Variants in ZNF827 observed in about 807,000 individuals in gnomAD.
ZNF827 encodes zinc finger protein 827.
A neutral mutation model predicts 102.4 loss-of-function variants in ZNF827; 13 were observed. That is an observed-to-expected ratio of 0.13 (90% CI 0.08 to 0.20). ZNF827 has a LOEUF of 0.20. Among genes scored for constraint, ZNF827 ranks in the 10% least tolerant of loss-of-function variants. ZNF827 has a pLI of 1.00. For synonymous variants in ZNF827, 523 were observed against 536.2 expected (o/e 0.98, Z 0.34); for missense variants, 1,103 against 1,344.4 (o/e 0.82, Z 2.81).
At chr4:145,820,024 C>T (rs970618512) in intron 8 of ZNF827, 2 of 152,306 alleles carry the variant, frequency 1.3e-5, no homozygotes, top group African/African-American at 4.8e-5. Flanking sequence ...TCGATCTCTT[C>T]ACAGTCCACA....
intron 8 of ZNF827, among the ~76,000 whole-genome samples, chr4:145,813,322 C>CCA (rs1413721101): frequency 6.6e-6 from 1 of 152,138 alleles, no homozygotes; most frequent in East Asian, 1.9e-4. Context: ...GAGAGAAGGA[C>CCA]CACATTCACA....
intron 11 of ZNF827, among the ~76,000 whole-genome samples, chr4:145,766,590 C>T (rs1028939283): frequency 2.6e-5 from 4 of 152,122 alleles, no homozygotes; most frequent in South Asian, 4.2e-4. Context: ...TTTTGCAGGA[C>T]GGAGTATCAG....
rs111551258 is a variant in ZNF827 at position 145,767,710 on chromosome 4, A to T, written c.2861-1972T>A. Among the ~76,000 whole-genome samples the T allele has an allele frequency of 1.7e-3, 255 of 152,342 alleles. 1 individual carries two copies. The highest frequency in any genetic ancestry group is 5.8e-3 in the African/African-American group (241 of 41,578). ...GCAAGTAAGAAGACTGTAAAGCAAC[A>T]TCTTTAAAGTACTGAAAGATACACT... On this transcript the variant is annotated intron_variant, in intron 11 of 14. Transcript: ENST00000508784.
At chr4:145,809,825 T>C (rs1174825896) in intron 8 of ZNF827, among the ~76,000 whole-genome samples, 5 of 152,128 alleles carry the variant, frequency 3.3e-5, no homozygotes, top group Non-Finnish European at 5.9e-5. Flanking sequence ...ACCCATTCCC[T>C]AGCCCCCTGC....
chr4:145,936,289 T>G (rs968497695), intron 1 of ZNF827, among the ~76,000 whole-genome samples: 1 of 151,094 alleles, frequency 6.6e-6, no homozygotes, highest in African/African-American at 2.4e-5. Context: ...GCCTCCCAAC[T>G]CGCCCTCCCC....
At position 145,765,683 on chromosome 4, in the gene ZNF827, T is replaced by C. The variant is rs1021585929; in HGVS notation, c.2916A>G (p.Ser972=). 1 of 1,614,106 alleles carries C rather than the reference T, an allele frequency of 6.2e-7. No homozygotes were observed. The part of the protein sequence containing the change: ...ESNSPSSSSL[S]ALSDSANSKD... ...TGCTGTTGGCTGAATCACTCAGAGC[T>C]GAGAGGGAGGATGAAGAGGGGCTAT... Residue 972 remains serine, a synonymous_variant, in exon 12 of 15, where the codon TCA becomes TCG. Transcript: ENST00000508784. The surrounding 1 kb of genome is among the most constrained non-coding windows in gnomAD (Gnocchi z 4.7).
At chr4:145,864,276 A>C (rs1747982693) in intron 5 of ZNF827, among the ~76,000 whole-genome samples, 1 of 151,700 alleles carries the variant, frequency 6.6e-6, no homozygotes, top group Non-Finnish European at 1.5e-5. Flanking sequence ...AAAATATATA[A>C]ATTCTGGCCA....
At position 145,759,121 on chromosome 4, in the gene ZNF827, C is replaced by T. The variant is rs973611371; in HGVS notation, c.*2495G>A. On this transcript the variant is annotated 3_prime_UTR_variant, in exon 15 of 15. Coordinates refer to ENST00000508784, the MANE Select transcript of ZNF827 (RefSeq NM_001306215.2). ...ACAGTAAGAAAATGTTCCTCCTGTA[C>T]ACCAGTTCTCCAATAGATAAATAAT... The T allele has an allele frequency of 1.3e-5, 2 of 152,312 alleles. No individual in the cohort carries two copies. The highest frequency in any genetic ancestry group is 2.1e-4 in the South Asian group (1 of 4,824). 9.4% of individuals were successfully genotyped at this position (152,312 alleles called of 1,614,324 possible).
At chr4:145,782,912 A>G (rs77414566) in intron 8 of ZNF827, among the ~76,000 whole-genome samples, 3 of 152,304 alleles carry the variant, frequency 2.0e-5, no homozygotes, top group African/African-American at 4.8e-5. Flanking sequence ...CTCAGACTCA[A>G]TTTGAAGCCC....
intron 1 of ZNF827, among the ~76,000 whole-genome samples, chr4:145,927,384 A>G (rs943134976): frequency 6.6e-6 from 1 of 152,242 alleles, no homozygotes; most frequent in African/African-American, 2.4e-5. Context: ...TTCAGCTTGA[A>G]AAGTATTTTC....
chr4:145,860,780 GA>G (rs1341074387), intron 5 of ZNF827, among the ~76,000 whole-genome samples: 1 of 152,228 alleles, frequency 6.6e-6, no homozygotes, highest in Admixed American at 6.5e-5. Flanking sequence ...GATCCCTTCA[GA>G]AAGAATACCA....
intron 3 of ZNF827, among the ~76,000 whole-genome samples, chr4:145,890,719 AG>A (rs1279664384): frequency 1.3e-5 from 2 of 152,206 alleles, no homozygotes; most frequent in Non-Finnish European, 2.9e-5. Flanking sequence ...TCAACTTTGC[AG>A]GTTTAAAATA....
At chr4:145,875,194 C>G (rs1749054240) in intron 4 of ZNF827, among the ~76,000 whole-genome samples, 1 of 152,126 alleles carries the variant, frequency 6.6e-6, no homozygotes, top group African/African-American at 2.4e-5. Context: ...TTTGTTTTAA[C>G]AACGTATACA....
At position 145,870,489 on chromosome 4, in the gene ZNF827, A is replaced by T; in HGVS notation, c.1748-11T>A. 6.2e-7 allele frequency: 1 copy of T among 1,611,572 alleles called. No individual in the cohort carries two copies. Among genetic ancestry groups the T allele is most frequent in the Non-Finnish European group, 8.5e-7 (1 of 1,178,246 alleles). Reference sequence around the variant, plus strand: ...CCTTCTGATTTGCAGCTGTCAAAAGAAAAAAAGGGATTATATATACATAAA... The same window carrying T: ...CCTTCTGATTTGCAGCTGTCAAAAGTAAAAAAGGGATTATATATACATAAA... On this transcript the variant is annotated splice_polypyrimidine_tract_variant and intron_variant, in intron 4 of 14. Transcript: ENST00000508784.
At chr4:145,855,286 T>C (rs903868755) in intron 5 of ZNF827, among the ~76,000 whole-genome samples, 1 of 152,186 alleles carries the variant, frequency 6.6e-6, no homozygotes, top group Non-Finnish European at 1.5e-5. Context: ...CTGACACCAT[T>C]CACTTTCTAG....
chr4:145,815,328 T>A (rs1412716193), intron 8 of ZNF827, among the ~76,000 whole-genome samples: 1 of 152,170 alleles, frequency 6.6e-6, no homozygotes, highest in Non-Finnish European at 1.5e-5. Context: ...TGTTTCTGAA[T>A]GATAAAGTGA....
chr4:145,810,511 A>G (rs978436473), intron 8 of ZNF827, among the ~76,000 whole-genome samples: 4 of 152,228 alleles, frequency 2.6e-5, no homozygotes, highest in Admixed American at 1.3e-4. Flanking sequence ...AATGCCTCTC[A>G]CTACTGTCCC....
chr4:145,881,250 C>T (rs553954702), intron 4 of ZNF827, among the ~76,000 whole-genome samples: 153 of 152,240 alleles, frequency 1.0e-3, no homozygotes, highest in Non-Finnish European at 1.8e-3. Context: ...AGCTTATATC[C>T]ATTTGTTCAT....
intron 7 of ZNF827, among the ~76,000 whole-genome samples, chr4:145,829,400 T>C (rs1458907624): frequency 2.0e-5 from 3 of 152,034 alleles, no homozygotes; most frequent in African/African-American, 7.2e-5. Flanking sequence ...TTTTTTAAAA[T>C]AGTGAATCTT....
Sources: allele counts gnomAD v4.1 joint callset (sites outside exome capture counted in the v4.1 genomes callset), GRCh38; gene constraint gnomAD v4.1.1; non-coding constraint Gnocchi (gnomAD v3.1); transcripts MANE v1.5; gene names NCBI Gene and HGNC (gene_info 2026-07-23, HGNC 2026-07-21).